The following PLXDC2 variants were observed in gnomAD, a reference collection of about 807,000 sequenced individuals.
PLXDC2 encodes the protein plexin domain containing 2.
Under a neutral mutation model 68.9 loss-of-function variants are expected in PLXDC2, and 40 were observed. The observed-to-expected ratio is 0.58, with a 90% CI of 0.45 to 0.76. The LOEUF is 0.76. Ranked by LOEUF, PLXDC2 falls within the 30% of genes least tolerant of loss-of-function variation. PLXDC2 has a pLI of 0.00. For missense variants in PLXDC2, 644 were observed against 661.9 expected (o/e 0.97, Z 0.30); for synonymous variants, 243 against 234.2 (o/e 1.04, Z -0.34).
intron 1 of PLXDC2, among the ~76,000 whole-genome samples, chr10:19,942,539 G>C (rs1379802463): frequency 6.6e-6 from 1 of 152,130 alleles, no homozygotes; most frequent in African/African-American, 2.4e-5. Context: ...AAGGCAAGTG[G>C]ATCACTTGAG....
chr10:19,838,234 A>T (rs1564604920), intron 1 of PLXDC2, among the ~76,000 whole-genome samples: 1 of 152,174 alleles, frequency 6.6e-6, no homozygotes, highest in African/African-American at 2.4e-5. Context: ...AAGTGCTTGG[A>T]TTACAGGTGT....
chr10:19,863,496 G>T (rs1300605984), intron 1 of PLXDC2, among the ~76,000 whole-genome samples: 6 of 152,158 alleles, frequency 3.9e-5, no homozygotes, highest in African/African-American at 1.4e-4. Flanking sequence ...AATACAGGGA[G>T]CATCACTGCC....
intron 1 of PLXDC2, among the ~76,000 whole-genome samples, chr10:19,917,387 A>G (rs1219494884): frequency 6.6e-6 from 1 of 152,166 alleles, no homozygotes; most frequent in Non-Finnish European, 1.5e-5. Context: ...TTTCCATGAT[A>G]CTTCAAATCC....
At chr10:19,973,863 T>C (rs1272470582) in intron 1 of PLXDC2, among the ~76,000 whole-genome samples, 1 of 152,200 alleles carries the variant, frequency 6.6e-6, no homozygotes, top group Non-Finnish European at 1.5e-5. Flanking sequence ...AGTAAGAGAA[T>C]GAATGGAAGT....
intron 1 of PLXDC2, among the ~76,000 whole-genome samples, chr10:19,830,536 T>C (rs1836668202): frequency 6.6e-6 from 1 of 152,200 alleles, no homozygotes; most frequent in Non-Finnish European, 1.5e-5. Flanking sequence ...TCAGTATCTC[T>C]TTCCCCCATC....
intron 12 of PLXDC2, among the ~76,000 whole-genome samples, chr10:20,220,599 T>A (rs1221164523): frequency 6.6e-6 from 1 of 152,092 alleles, no homozygotes; most frequent in Non-Finnish European, 1.5e-5. Context: ...ATCGAATAAG[T>A]GTGAGAGACT....
intron 1 of PLXDC2, among the ~76,000 whole-genome samples, chr10:19,975,731 T>C (rs376333282): frequency 4.6e-5 from 7 of 152,218 alleles, no homozygotes; most frequent in African/African-American, 1.7e-4. Context: ...TGGTATAATA[T>C]GTCCTCTAAT....
intron 2 of PLXDC2, among the ~76,000 whole-genome samples, chr10:20,010,045 A>G (rs1251532361): frequency 6.6e-6 from 1 of 152,158 alleles, no homozygotes; most frequent in Non-Finnish European, 1.5e-5. Context: ...ATTTCTACTC[A>G]TTCATTTAAA....
At chr10:19,846,625 C>T (rs748532321) in intron 1 of PLXDC2, among the ~76,000 whole-genome samples, 7 of 152,112 alleles carry the variant, frequency 4.6e-5, no homozygotes, top group Non-Finnish European at 1.0e-4. Flanking sequence ...CTTTACCTCA[C>T]CAAACTTTTT....
At chr10:19,883,242 G>A (rs922527239) in intron 1 of PLXDC2, among the ~76,000 whole-genome samples, 27 of 151,938 alleles carry the variant, frequency 1.8e-4, no homozygotes, top group African/African-American at 4.4e-4. Flanking sequence ...GATTACAGGC[G>A]TGAGCCACCC....
chr10:20,039,326 A>C (rs1835636313), intron 2 of PLXDC2, among the ~76,000 whole-genome samples: 1 of 152,162 alleles, frequency 6.6e-6, no homozygotes, highest in African/African-American at 2.4e-5. Context: ...AATTTAGTGG[A>C]GATGTTTATT....
At chr10:19,988,296 A>T (rs959094519) in intron 1 of PLXDC2, among the ~76,000 whole-genome samples, 2 of 152,064 alleles carry the variant, frequency 1.3e-5, no homozygotes, top group Non-Finnish European at 2.9e-5. Context: ...AAAATTGGGA[A>T]CCTCTTTTGG....
At chr10:20,265,313 C>T (rs1835858744) in intron 13 of PLXDC2, among the ~76,000 whole-genome samples, 1 of 152,202 alleles carries the variant, frequency 6.6e-6, no homozygotes, top group Non-Finnish European at 1.5e-5. Context: ...TCAGTGCAGC[C>T]ATCTGCCAGA....
intron 7 of PLXDC2, among the ~76,000 whole-genome samples, chr10:20,173,067 A>T (rs927771925): frequency 6.6e-6 from 1 of 152,224 alleles, no homozygotes; most frequent in Non-Finnish European, 1.5e-5. Flanking sequence ...TGTAGCCACT[A>T]TAATAGTGTC....
intron 4 of PLXDC2, among the ~76,000 whole-genome samples, chr10:20,073,115 A>G (rs1173989233): frequency 6.6e-6 from 1 of 152,196 alleles, no homozygotes; most frequent in Non-Finnish European, 1.5e-5. Context: ...GTTGACTGTC[A>G]GTTCTTTTTG....
chr10:20,231,391 AT>A (rs1835361958), intron 12 of PLXDC2, among the ~76,000 whole-genome samples: 1 of 151,420 alleles, frequency 6.6e-6, no homozygotes, highest in African/African-American at 2.4e-5. Flanking sequence ...AATTTGTAGA[AT>A]GCTGCTAAAA....
At chr10:19,822,993 G>T (rs1338331143) in intron 1 of PLXDC2, among the ~76,000 whole-genome samples, 3 of 151,714 alleles carry the variant, frequency 2.0e-5, no homozygotes, top group African/African-American at 7.3e-5. Flanking sequence ...TCAGCTCACT[G>T]CAAGCACCGC....
At chr10:19,954,553 G>T (rs1187630148) in intron 1 of PLXDC2, among the ~76,000 whole-genome samples, 2 of 152,154 alleles carry the variant, frequency 1.3e-5, no homozygotes, top group Non-Finnish European at 2.9e-5. Flanking sequence ...TGGCATGAGC[G>T]TTAATTTTGT....
rs531998210 is a variant in PLXDC2 at position 20,202,338 on chromosome 10, A to T, written c.1062-9331A>T. ...AAGACACTATATTGGAGAAATTTTA[A>T]TTGAAGATTTCAGAAATCTCATACT... On this transcript the variant is annotated intron_variant, in intron 9 of 13. Coordinates refer to ENST00000377252, the MANE Select transcript of PLXDC2 (RefSeq NM_032812.9). 4.9e-4 allele frequency among the ~76,000 whole-genome samples: 75 copies of T among 152,330 alleles called. No individual in the cohort carries two copies. In the South Asian group the frequency reaches 6.6e-3, roughly 13 times the overall value.
Sources: gnomAD v4.1 joint callset for allele counts (sites outside exome capture counted in the v4.1 genomes callset) on GRCh38, gnomAD v4.1.1 for gene constraint, MANE v1.5 for transcripts, NCBI Gene and HGNC (gene_info 2026-07-23, HGNC 2026-07-21) for gene names.